CPNE4: variants seen among roughly 807,000 people sequenced by gnomAD.
The protein encoded by CPNE4 is copine 4, also known as copine-4.
In CPNE4, 25 loss-of-function variants were observed where a neutral mutation model predicts 67.9. The observed-to-expected ratio is 0.37, with a 90% CI of 0.27 to 0.51. CPNE4 has a LOEUF of 0.51. Among genes scored for constraint, CPNE4 ranks in the 20% least tolerant of loss-of-function variants. The probability of loss-of-function intolerance (pLI) is 0.93; values close to 1 mark genes in which losing one functional copy is unlikely to be tolerated. For synonymous variants in CPNE4, 242 were observed against 244.9 expected, an observed-to-expected ratio of 0.99 and a Z score of 0.11; for missense variants, 464 against 690.8, an observed-to-expected ratio of 0.67 and a Z score of 3.68.
intron 7 of CPNE4, among the ~76,000 whole-genome samples, chr3:131,632,606 A>G (rs2079258454): frequency 6.6e-6 from 1 of 152,096 alleles, no homozygotes; most frequent in South Asian, 2.1e-4. Context: ...TACTATAAAT[A>G]CTTGCCTTTC....
intron 3 of CPNE4, among the ~76,000 whole-genome samples, chr3:131,708,418 G>T (rs1216692305): frequency 6.6e-6 from 1 of 152,154 alleles, no homozygotes; most frequent in African/African-American, 2.4e-5. Flanking sequence ...GAATACATGA[G>T]TCTGGGCTCA....
intron 7 of CPNE4, among the ~76,000 whole-genome samples, chr3:131,611,712 C>A (rs1334925844): frequency 6.6e-6 from 1 of 151,898 alleles, no homozygotes; most frequent in Non-Finnish European, 1.5e-5. Flanking sequence ...CATACCAGCC[C>A]CTGCTTTCAC....
At chr3:131,719,449 A>G (rs1249503237) in intron 3 of CPNE4, among the ~76,000 whole-genome samples, 2 of 152,204 alleles carry the variant, frequency 1.3e-5, no homozygotes, top group Non-Finnish European at 2.9e-5. Flanking sequence ...GACTATTTGT[A>G]ATCTCATTCT....
intron 1 of CPNE4, among the ~76,000 whole-genome samples, chr3:132,029,888 CTCTCTT>C (rs1450444273): frequency 9.3e-6 from 1 of 107,930 alleles, no homozygotes; most frequent in Non-Finnish European, 2.1e-5. Flanking sequence ...CACTCATAAA[CTCTCTT>C]TGTTTACTTT....
At chr3:132,012,945 G>A (rs1396812549) in intron 1 of CPNE4, among the ~76,000 whole-genome samples, 2 of 152,216 alleles carry the variant, frequency 1.3e-5, no homozygotes, top group African/African-American at 4.8e-5. Context: ...TATCTTGGCT[G>A]GGCACAGTGG....
intron 2 of CPNE4, among the ~76,000 whole-genome samples, chr3:131,806,441 T>G (rs1438665720): frequency 1.3e-5 from 2 of 150,304 alleles, no homozygotes; most frequent in Non-Finnish European, 3.0e-5. Flanking sequence ...TCCCAGCTAC[T>G]CTGGAGGCTG....
chr3:131,615,417 C>T (rs61515651), intron 7 of CPNE4, among the ~76,000 whole-genome samples: 6,953 of 152,200 alleles, frequency 0.046, 159 homozygotes, highest in East Asian at 0.083. Flanking sequence ...CAACCTTGAA[C>T]GTGTGTACTT....
At chr3:131,676,464 G>A (rs1399510998) in intron 6 of CPNE4, among the ~76,000 whole-genome samples, 1 of 152,042 alleles carries the variant, frequency 6.6e-6, no homozygotes, top group Non-Finnish European at 1.5e-5. Flanking sequence ...TGGTTGTATA[G>A]ATTATTTCAT....
chr3:131,924,732 G>A (rs2070845914), intron 1 of CPNE4, among the ~76,000 whole-genome samples: 1 of 152,102 alleles, frequency 6.6e-6, no homozygotes, highest in Non-Finnish European at 1.5e-5. Context: ...AAACAATGGT[G>A]ACATAAACTA....
chr3:131,584,075 A>T (rs2107695790), intron 8 of CPNE4, among the ~76,000 whole-genome samples: 1 of 152,276 alleles, frequency 6.6e-6, no homozygotes, highest in Admixed American at 6.5e-5. Context: ...GTTAATTAAG[A>T]ATTTACCCTG....
At chr3:131,826,489 G>A (rs918383457) in intron 2 of CPNE4, among the ~76,000 whole-genome samples, 2 of 152,156 alleles carry the variant, frequency 1.3e-5, no homozygotes, top group African/African-American at 2.4e-5. Flanking sequence ...TGAGCCCCTG[G>A]GCCTGACCAG....
chr3:131,737,115 CTTTTTTTT>C (rs71788145), intron 2 of CPNE4, among the ~76,000 whole-genome samples: 73 of 49,402 alleles, frequency 1.5e-3, no homozygotes, highest in Non-Finnish European at 2.1e-3. Context: ...AGTATTGTGT[CTTTTTTTT>C]TTTTTTTTTT....
At chr3:131,619,713 T>C (rs957635526) in intron 7 of CPNE4, among the ~76,000 whole-genome samples, 1 of 152,224 alleles carries the variant, frequency 6.6e-6, no homozygotes, top group Non-Finnish European at 1.5e-5. Context: ...TTGGCGTATT[T>C]ATTACACACT....
intron 1 of CPNE4, among the ~76,000 whole-genome samples, chr3:131,966,717 G>T (rs1456199007): frequency 6.6e-6 from 1 of 152,142 alleles, no homozygotes; most frequent in African/African-American, 2.4e-5. Context: ...TTCTGAAATT[G>T]AGGCAGTAAT....
intron 12 of CPNE4, among the ~76,000 whole-genome samples, 197 bp from the exon 13 acceptor site, chr3:131,552,688 G>C (rs1936248597): frequency 6.6e-6 from 1 of 152,014 alleles, no homozygotes; most frequent in African/African-American, 2.4e-5. Context: ...GTGGAGTTGA[G>C]GTGACAGGAA....
At chr3:131,853,234 G>A (rs537562385) in intron 2 of CPNE4, among the ~76,000 whole-genome samples, 86 of 151,862 alleles carry the variant, frequency 5.7e-4, no homozygotes, top group African/African-American at 2.0e-3. Flanking sequence ...TAGATAAATG[G>A]AAAAGGATGG....
In CPNE4 at chr3:131,592,812, G is replaced by C. The variant is rs548336269; in HGVS notation, c.682-5230C>G. 4.6e-5 allele frequency among the ~76,000 whole-genome samples: 7 copies of C among 151,434 alleles called. No individual in the cohort carries two copies. The South Asian group carries it at 1.5e-3, about 31-fold the overall frequency. ...TTTAGTGAGCACACCAAACAGTACA[G>C]AGGAAGAACCTGCTCACTGTTTCCA... On this transcript the variant is annotated intron_variant, in intron 7 of 15. Coordinates refer to ENST00000429747, the MANE Select transcript of CPNE4 (RefSeq NM_130808.3).
chr3:131,876,424 C>T (rs1159028990), intron 2 of CPNE4, among the ~76,000 whole-genome samples: 1 of 151,622 alleles, frequency 6.6e-6, no homozygotes, highest in African/African-American at 2.4e-5. Context: ...AGGCAGATCA[C>T]GAGGTCAGGA....
chr3:131,888,283 T>C (rs2087973159), intron 2 of CPNE4, among the ~76,000 whole-genome samples: 1 of 152,132 alleles, frequency 6.6e-6, no homozygotes, highest in Admixed American at 6.5e-5. Flanking sequence ...TCCTAGTTTC[T>C]CCAGAATTCA....
Sources: allele counts gnomAD v4.1 joint callset (sites outside exome capture counted in the v4.1 genomes callset), GRCh38; gene constraint gnomAD v4.1.1; transcripts MANE v1.5; gene names NCBI Gene and HGNC (gene_info 2026-07-23, HGNC 2026-07-21).